The following PFKFB3 variants were observed in gnomAD, a reference collection of about 807,000 sequenced individuals.
The protein encoded by PFKFB3 is 6-phosphofructo-2-kinase/fructose-2,6-biphosphatase 3, also known as 6-phosphofructo-2-kinase/fructose-2,6-bisphosphatase 3.
Under a neutral mutation model 68.0 loss-of-function variants are expected in PFKFB3, and 33 were observed. That is an observed-to-expected ratio of 0.49 (90% CI 0.37 to 0.65). The LOEUF is 0.65. Ranked by LOEUF, PFKFB3 falls within the 30% of genes least tolerant of loss-of-function variation. The pLI, the probability that PFKFB3 is intolerant of heterozygous loss-of-function variation, is 0.00. For missense variants in PFKFB3, 586 were observed against 712.2 expected, an observed-to-expected ratio of 0.82 and a Z score of 2.02; for synonymous variants, 315 against 288.2, an observed-to-expected ratio of 1.09 and a Z score of -0.94.
At chr10:6,167,184 C>T (rs1842169750) in intron 1 of PFKFB3, among the ~76,000 whole-genome samples, 1 of 152,200 alleles carries the variant, frequency 6.6e-6, no homozygotes, top group Admixed American at 6.5e-5. Context: ...TAGACAAGGC[C>T]AGCATGGGAC....
At chr10:6,177,349 C>CT (rs1302989251) in intron 1 of PFKFB3, among the ~76,000 whole-genome samples, 2 of 85,374 alleles carry the variant, frequency 2.3e-5, no homozygotes, top group East Asian at 3.3e-4. Flanking sequence ...TGTTTCTTTT[C>CT]TTTTCTCTTT....
chr10:6,319,406 CAGAA>C, the PFKFB3 span, among the ~76,000 whole-genome samples: 121 of 152,288 alleles, frequency 7.9e-4, 1 homozygote, highest in African/African-American at 2.5e-3. Flanking sequence ...AACTCAGAAA[CAGAA>C]AGTCAAATGC....
In PFKFB3 at chr10:6,233,272, G is replaced by T; in HGVS notation, c.*330G>T. On this transcript the variant is annotated 3_prime_UTR_variant, in exon 15 of 15. Coordinates refer to ENST00000379775, the MANE Select transcript of PFKFB3 (RefSeq NM_004566.4). ...GCTGGTCCTGACAGGAGGCCGCTGG[G>T]GACACTGTGCTGTTTTGTTTCGTTT... 1 of 274,788 alleles carries T rather than the reference G, an allele frequency of 3.6e-6. No homozygotes were observed. 17.0% of individuals were successfully genotyped at this position (274,788 alleles called of 1,614,324 possible). A position where few individuals can be genotyped will look rare whatever the true frequency, so the allele number is the denominator to read the frequency against.
chr10:6,311,762 A>T, the PFKFB3 span, among the ~76,000 whole-genome samples: 1 of 152,240 alleles, frequency 6.6e-6, no homozygotes, highest in South Asian at 2.1e-4. Flanking sequence ...AAAAAAGAAA[A>T]AAGAAAAAAA....
intron 11 of PFKFB3, 78 bp from the exon 12 acceptor site, chr10:6,223,880 G>C: frequency 7.7e-7 from 1 of 1,298,806 alleles, no homozygotes; most frequent in Admixed American, 1.7e-5. Context: ...GCCTCCCAAA[G>C]TGCTGGGATT....
In PFKFB3 at chr10:6,226,239, C is replaced by T. The variant is rs1167544360; in HGVS notation, c.1389C>T (p.Thr463=). The change falls in exon 14 of 15, where the codon ACC becomes ACT. Residue 463 remains threonine, a synonymous_variant. Coordinates refer to ENST00000379775, the MANE Select transcript of PFKFB3 (RefSeq NM_004566.4). Reference sequence around the variant, plus strand: ...CGCTCATGAGACGCAATAGTGTCACCCCGCTAGCCAGCCCCGAACCCACCA... The same window carrying T: ...CGCTCATGAGACGCAATAGTGTCACTCCGCTAGCCAGCCCCGAACCCACCA... The part of the protein sequence containing the change: ...PNPLMRRNSV[T]PLASPEPTKK... The T allele has an allele frequency of 6.2e-7, 1 of 1,613,492 alleles. No homozygotes were observed. The highest frequency in any genetic ancestry group is 1.3e-5 in the African/African-American group (1 of 74,874).
chr10:6,172,164 A>G (rs1030509094), intron 1 of PFKFB3, among the ~76,000 whole-genome samples: 2 of 152,228 alleles, frequency 1.3e-5, no homozygotes, highest in African/African-American at 4.8e-5. Context: ...AGTTCCCATC[A>G]GGCATGCGGC....
chr10:6,182,799 T>C (rs1688231545), intron 1 of PFKFB3, among the ~76,000 whole-genome samples: 1 of 152,200 alleles, frequency 6.6e-6, no homozygotes, highest in Non-Finnish European at 1.5e-5. Context: ...TGCAGTGAAG[T>C]TCGCCTTGCA....
At position 6,229,012 on chromosome 10, in the gene PFKFB3, A is replaced by G. The variant is rs1289023422; in HGVS notation, c.1515+2647A>G. ...GCCTTCCTGCCACAGAACTTTAATG[A>G]CAGCCACATGAAGTGTCATCCCCTT... On this transcript the variant is annotated intron_variant, in intron 14 of 14. Coordinates refer to ENST00000379775, the MANE Select transcript of PFKFB3 (RefSeq NM_004566.4). This position sits in a 1 kb window ranked among gnomAD's most constrained non-coding sequence, Gnocchi z 4.3. 9 of 458,064 alleles carry G rather than the reference A, an allele frequency of 2.0e-5. No individual in the cohort carries two copies. The highest frequency in any genetic ancestry group is 4.1e-5 in the Non-Finnish European group (9 of 218,312). The allele number at this position is 458,064 out of a possible 1,614,324, so 28.4% of individuals were successfully genotyped here. A position where few individuals can be genotyped will look rare whatever the true frequency, so the allele number is the denominator to read the frequency against.
chr10:6,323,097 C>T, the PFKFB3 span, among the ~76,000 whole-genome samples: 1 of 152,166 alleles, frequency 6.6e-6, no homozygotes, highest in Admixed American at 6.5e-5. Context: ...GCCTTCGAAG[C>T]CTCACACAGG....
chr10:6,215,158 C>T lies in PFKFB3; in HGVS notation c.203-63C>T. On this transcript the variant is annotated intron_variant, in intron 2 of 14. Transcript: ENST00000379775. This position sits in a 1 kb window ranked among gnomAD's most constrained non-coding sequence, Gnocchi z 4.3. Reference sequence around the variant, plus strand: ...TCTTCCTTTGGTCGATCCTATGGTCCCGGTGTGAGCTGGCCCCTTCCTCCT... The same window carrying T: ...TCTTCCTTTGGTCGATCCTATGGTCTCGGTGTGAGCTGGCCCCTTCCTCCT... 2 of 1,383,998 alleles carry T rather than the reference C, an allele frequency of 1.4e-6. No homozygotes were observed. The highest frequency in any genetic ancestry group is 2.1e-6 in the Non-Finnish European group (2 of 974,018). The allele number at this position is 1,383,998 out of a possible 1,614,324, so 85.7% of individuals were successfully genotyped here.
Position 6,215,327 on chromosome 10 carries a change from G to A in PFKFB3, c.299+10G>A, listed in dbSNP as rs1844496026. 3 of 1,606,536 alleles carry A rather than the reference G, an allele frequency of 1.9e-6. No individual in the cohort carries two copies. In the African/African-American group the frequency reaches 4.0e-5, roughly 21 times the overall value. Reference sequence around the variant, plus strand: ...CCATGAAAGTCCGGAAGTAAGGCTGGGCCGCGGGCGTAGGGCTGGGCTGTG... The same window carrying A: ...CCATGAAAGTCCGGAAGTAAGGCTGAGCCGCGGGCGTAGGGCTGGGCTGTG... On this transcript the variant is annotated intron_variant, in intron 3 of 14. Coordinates refer to ENST00000379775, the MANE Select transcript of PFKFB3 (RefSeq NM_004566.4). The surrounding 1 kb of genome is among the most constrained non-coding windows in gnomAD (Gnocchi z 4.3).
chr10:6,265,899 T>G, the PFKFB3 span, among the ~76,000 whole-genome samples: 1 of 151,442 alleles, frequency 6.6e-6, no homozygotes, highest in Non-Finnish European at 1.5e-5. Context: ...TTTTTTTTTT[T>G]GTTTTTCTAT....
chr10:6,225,403 G>A (rs868586469), intron 13 of PFKFB3, among the ~76,000 whole-genome samples: 1 of 152,188 alleles, frequency 6.6e-6, no homozygotes, highest in Non-Finnish European at 1.5e-5. Flanking sequence ...CCTCCACTTC[G>A]GAATGTGGGT....
intron 1 of PFKFB3, among the ~76,000 whole-genome samples, chr10:6,147,375 C>A (rs933035459): frequency 6.6e-6 from 1 of 152,238 alleles, no homozygotes; most frequent in Non-Finnish European, 1.5e-5. Flanking sequence ...CCATCCTCTG[C>A]GGGCTGGAAG....
At chr10:6,311,606 G>A in the PFKFB3 span, among the ~76,000 whole-genome samples, 1 of 152,028 alleles carries the variant, frequency 6.6e-6, no homozygotes, top group African/African-American at 2.4e-5. Flanking sequence ...AAAATTAGCC[G>A]AGTGTGGTGG....
chr10:6,183,610 AAAAAAT>A (rs1421433262), intron 1 of PFKFB3, among the ~76,000 whole-genome samples: 53 of 70,152 alleles, frequency 7.6e-4, no homozygotes, highest in Non-Finnish European at 1.1e-3. Flanking sequence ...TCAAAAAAAA[AAAAAAT>A]ATATATATAT....
rs1415875092 is a variant in PFKFB3 at position 6,202,943 on chromosome 10, A to C, written c.-318A>C. Reference sequence around the variant, plus strand: ...GCGCGGGGCATCCCAGCCAAGCCGGAGAGGAGGCGAGCAGCAGGGCCTGGT... The same window carrying C: ...GCGCGGGGCATCCCAGCCAAGCCGGCGAGGAGGCGAGCAGCAGGGCCTGGT... On this transcript the variant is annotated 5_prime_UTR_variant, in exon 1 of 15. Coordinates refer to ENST00000379775, the MANE Select transcript of PFKFB3 (RefSeq NM_004566.4). The C allele has an allele frequency of 8.1e-7, 1 of 1,241,286 alleles. No homozygotes were observed. The highest frequency in any genetic ancestry group is 1.6e-5 in the African/African-American group (1 of 62,272). 76.9% of individuals were successfully genotyped at this position (1,241,286 alleles called of 1,614,324 possible). A position where few individuals can be genotyped will look rare whatever the true frequency, so the allele number is the denominator to read the frequency against.
chr10:6,184,847 A>T (rs1405502775), intron 1 of PFKFB3, among the ~76,000 whole-genome samples: 1 of 143,800 alleles, frequency 7.0e-6, no homozygotes, highest in Non-Finnish European at 1.5e-5. Context: ...GGCTCAAGTG[A>T]TCCTCCCATC....
Sources: gnomAD v4.1 joint callset for allele counts (sites outside exome capture counted in the v4.1 genomes callset) on GRCh38, gnomAD v4.1.1 for gene constraint, Gnocchi (gnomAD v3.1) non-coding constraint, MANE v1.5 for transcripts, NCBI Gene and HGNC (gene_info 2026-07-23, HGNC 2026-07-21) for gene names.